ZNF804A: variants seen among roughly 807,000 people sequenced by gnomAD.
ZNF804A encodes the protein zinc finger protein 804A.
ZNF804A carries 2 observed loss-of-function variants against 16.5 expected under a neutral mutation model. The observed-to-expected ratio is 0.12, with a 90% CI of 0.05 to 0.38. ZNF804A has a LOEUF of 0.38. Among genes scored for constraint, ZNF804A ranks in the 10% least tolerant of loss-of-function variants. ZNF804A has a pLI of 0.99. For missense variants in ZNF804A, 1,473 were observed against 1,390.7 expected (o/e 1.06, Z -0.94); for synonymous variants, 534 against 489.6 (o/e 1.09, Z -1.20).
chr2:184,671,725 A>G (rs917625152), intron 1 of ZNF804A, among the ~76,000 whole-genome samples: 3 of 152,216 alleles, frequency 2.0e-5, no homozygotes, highest in Non-Finnish European at 4.4e-5. Flanking sequence ...TTGATAAGCC[A>G]TCTTTGCAGA....
In ZNF804A at chr2:184,937,914, T is replaced by C. The variant is rs1477057669; in HGVS notation, c.2518T>C (p.Ser840Pro). Reference protein sequence around the residue: ...ENTDYPVKDNSSLNPLDRLIS... With the variant: ...ENTDYPVKDNPSLNPLDRLIS... ...TACAGATTATCCCGTGAAAGACAAT[T>C]CTTCCTTAAATCCTCTGGATAGGTT... The change falls in exon 4 of 4, where the codon TCT becomes CCT. Residue 840 changes from serine (S) to proline (P), a missense_variant. Coordinates refer to ENST00000302277, the MANE Select transcript of ZNF804A (RefSeq NM_194250.2). 3 of 1,613,994 alleles carry C rather than the reference T, an allele frequency of 1.9e-6. No homozygotes were observed. Among genetic ancestry groups the C allele is most frequent in the Non-Finnish European group, 2.5e-6 (3 of 1,180,028 alleles).
intron 2 of ZNF804A, among the ~76,000 whole-genome samples, chr2:184,922,636 G>A (rs1238369076): frequency 6.6e-6 from 1 of 151,948 alleles, no homozygotes; most frequent in East Asian, 1.9e-4. Flanking sequence ...TCCTTTGATT[G>A]TCTGGGTCTG....
At chr2:184,833,604 T>C (rs1167447877) in intron 1 of ZNF804A, among the ~76,000 whole-genome samples, 1 of 152,130 alleles carries the variant, frequency 6.6e-6, no homozygotes, top group South Asian at 2.1e-4. Context: ...TTAGGTAATA[T>C]ATTTCTAGTT....
intron 1 of ZNF804A, among the ~76,000 whole-genome samples, chr2:184,719,856 C>T (rs142652724): frequency 6.6e-6 from 1 of 152,298 alleles, no homozygotes; most frequent in East Asian, 1.9e-4. Flanking sequence ...CAAAATGTTC[C>T]AACCTCTGCC....
At chr2:184,873,602 G>C (rs1455043392) in intron 2 of ZNF804A, among the ~76,000 whole-genome samples, 3 of 152,274 alleles carry the variant, frequency 2.0e-5, no homozygotes, top group Non-Finnish European at 4.4e-5. Context: ...GCCAGAAATT[G>C]GGAAAATATA....
chr2:184,860,881 A>C (rs767225014), intron 1 of ZNF804A, among the ~76,000 whole-genome samples: 1 of 152,160 alleles, frequency 6.6e-6, no homozygotes, highest in Non-Finnish European at 1.5e-5. Flanking sequence ...CGCATTCAGG[A>C]GTCTTGGGTC....
intron 1 of ZNF804A, among the ~76,000 whole-genome samples, chr2:184,707,349 C>A (rs554440642): frequency 6.6e-6 from 1 of 151,986 alleles, no homozygotes; most frequent in African/African-American, 2.4e-5. Flanking sequence ...TGTTACATGA[C>A]TATATTGTGT....
At chr2:184,652,608 T>G (rs1365218920) in intron 1 of ZNF804A, among the ~76,000 whole-genome samples, 2 of 152,166 alleles carry the variant, frequency 1.3e-5, no homozygotes, top group Non-Finnish European at 2.9e-5. Context: ...GAGAGCTCTT[T>G]GTTTTTCTCT....
intron 1 of ZNF804A, among the ~76,000 whole-genome samples, chr2:184,747,180 G>C (rs1465027889): frequency 1.3e-5 from 2 of 150,848 alleles, no homozygotes; most frequent in African/African-American, 4.8e-5. Flanking sequence ...AACCTTTTCT[G>C]CTTTAGCCTC....
chr2:184,844,020 C>T (rs1249907443), intron 1 of ZNF804A, among the ~76,000 whole-genome samples: 1 of 151,902 alleles, frequency 6.6e-6, no homozygotes, highest in Non-Finnish European at 1.5e-5. Context: ...ATTTTATCTT[C>T]TCTTTCAGGG....
chr2:184,651,909 C>G (rs2105700881), intron 1 of ZNF804A, among the ~76,000 whole-genome samples: 1 of 152,154 alleles, frequency 6.6e-6, no homozygotes, highest in South Asian at 2.1e-4. Context: ...TATAACAGAG[C>G]TACGGTTCGA....
chr2:184,906,508 C>T (rs1685277158), intron 2 of ZNF804A, among the ~76,000 whole-genome samples: 1 of 151,988 alleles, frequency 6.6e-6, no homozygotes, highest in Non-Finnish European at 1.5e-5. Context: ...GCCATATTGC[C>T]CACACTGGTC....
At chr2:184,684,805 G>A (rs1433857813) in intron 1 of ZNF804A, among the ~76,000 whole-genome samples, 2 of 152,194 alleles carry the variant, frequency 1.3e-5, no homozygotes, top group African/African-American at 2.4e-5. Context: ...GAGAATGTAC[G>A]GTGTTTGATT....
At chr2:184,606,386 A>G (rs10931149) in intron 1 of ZNF804A, among the ~76,000 whole-genome samples, 17,454 of 152,148 alleles carry the variant, frequency 0.11, 1,424 homozygotes, top group East Asian at 0.29. Context: ...TATCAGATCT[A>G]GTGAGAGCTC....
At chr2:184,913,851 ATTC>A (rs1685406271) in intron 2 of ZNF804A, among the ~76,000 whole-genome samples, 1 of 152,122 alleles carries the variant, frequency 6.6e-6, no homozygotes, top group African/African-American at 2.4e-5. Context: ...ATGACTCTAG[ATTC>A]TCAGGTCACA....
chr2:184,729,376 A>C (rs1231131744), intron 1 of ZNF804A, among the ~76,000 whole-genome samples: 1 of 151,936 alleles, frequency 6.6e-6, no homozygotes, highest in Non-Finnish European at 1.5e-5. Context: ...GCTCAGTAAG[A>C]AATACCTCAT....
chr2:184,717,480 T>C (rs1693232696), intron 1 of ZNF804A, among the ~76,000 whole-genome samples: 1 of 152,142 alleles, frequency 6.6e-6, no homozygotes, highest in Admixed American at 6.6e-5. Flanking sequence ...ATGTCCAGGT[T>C]TCAAATTGGC....
chr2:184,892,185 A>G (rs541188801), intron 2 of ZNF804A, among the ~76,000 whole-genome samples: 30 of 152,294 alleles, frequency 2.0e-4, no homozygotes, highest in African/African-American at 6.7e-4. Context: ...ATGAGATTCT[A>G]TTACAAAGAA....
At chr2:184,743,449 TTTCCAAGTAAAATG>T (rs150299568) in intron 1 of ZNF804A, among the ~76,000 whole-genome samples, 1 of 152,108 alleles carries the variant, frequency 6.6e-6, no homozygotes, top group East Asian at 1.9e-4. Flanking sequence ...TTTGGGGAGC[TTTCCAAGTAAAATG>T]TTTACTCATG....
Sources: allele counts gnomAD v4.1 joint callset (sites outside exome capture counted in the v4.1 genomes callset), GRCh38; gene constraint gnomAD v4.1.1; transcripts MANE v1.5; gene names NCBI Gene and HGNC (gene_info 2026-07-23, HGNC 2026-07-21).